Variants in SIPA1L1 observed in about 807,000 individuals in gnomAD.
SIPA1L1 encodes the protein signal induced proliferation associated 1 like 1.
Under a neutral mutation model 162.7 loss-of-function variants are expected in SIPA1L1, and 26 were observed. That is an observed-to-expected ratio of 0.16 (90% CI 0.12 to 0.22). SIPA1L1 has a LOEUF of 0.22. Among genes scored for constraint, SIPA1L1 ranks in the 10% least tolerant of loss-of-function variants. SIPA1L1 has a pLI of 1.00. For missense variants in SIPA1L1, 1,874 were observed against 2,241.0 expected, an observed-to-expected ratio of 0.84 and a Z score of 3.31; for synonymous variants, 829 against 837.4, an observed-to-expected ratio of 0.99 and a Z score of 0.17.
chr14:71,562,499 T>C (rs954264566), intron 4 of SIPA1L1, among the ~76,000 whole-genome samples: 1 of 152,202 alleles, frequency 6.6e-6, no homozygotes, highest in African/African-American at 2.4e-5. Context: ...TGTACATCAA[T>C]AATGTATCCA....
intron 4 of SIPA1L1, among the ~76,000 whole-genome samples, chr14:71,558,835 C>T (rs1162724887): frequency 2.6e-5 from 4 of 152,046 alleles, no homozygotes; most frequent in Non-Finnish European, 5.9e-5. Context: ...AGGTGCACGC[C>T]GCTACACTTG....
chr14:71,556,745 G>T (rs987162815), intron 4 of SIPA1L1, among the ~76,000 whole-genome samples: 6 of 152,210 alleles, frequency 3.9e-5, no homozygotes, highest in Non-Finnish European at 8.8e-5. Flanking sequence ...CTTCAAACCT[G>T]GTCCTTTGGG....
chr14:71,487,224 C>G (rs1485537967), intron 2 of SIPA1L1, among the ~76,000 whole-genome samples: 1 of 152,204 alleles, frequency 6.6e-6, no homozygotes, highest in Non-Finnish European at 1.5e-5. Flanking sequence ...CCTCCCCTCC[C>G]CATCACCTTC....
intron 2 of SIPA1L1, among the ~76,000 whole-genome samples, chr14:71,422,938 C>G (rs1212668759): frequency 2.0e-5 from 3 of 152,170 alleles, no homozygotes; most frequent in African/African-American, 4.8e-5. Flanking sequence ...ATTTTACATT[C>G]CTACCAACAG....
intron 10 of SIPA1L1, among the ~76,000 whole-genome samples, chr14:71,663,353 C>T (rs190227000): frequency 2.0e-5 from 3 of 152,186 alleles, no homozygotes; most frequent in Non-Finnish European, 4.4e-5. Flanking sequence ...GCTAAATTTT[C>T]ATTGGTGATA....
chr14:71,616,647 T>C (rs2038874167), intron 5 of SIPA1L1, among the ~76,000 whole-genome samples: 1 of 152,154 alleles, frequency 6.6e-6, no homozygotes, highest in South Asian at 2.1e-4. Context: ...GGTGAATTTG[T>C]GTGGATGGTG....
chr14:71,533,217 A>G (rs2053599206), intron 4 of SIPA1L1, among the ~76,000 whole-genome samples: 1 of 152,222 alleles, frequency 6.6e-6, no homozygotes, highest in African/African-American at 2.4e-5. Flanking sequence ...AAAAAATCAA[A>G]TCAAAAGTTT....
chr14:71,393,695 C>T (rs565256018), intron 2 of SIPA1L1, among the ~76,000 whole-genome samples: 17 of 152,156 alleles, frequency 1.1e-4, no homozygotes, highest in African/African-American at 3.9e-4. Context: ...GTGGCATGTA[C>T]CTGAAGTCCC....
intron 2 of SIPA1L1, among the ~76,000 whole-genome samples, chr14:71,469,487 G>A (rs1031714350): frequency 6.6e-6 from 1 of 151,918 alleles, no homozygotes; most frequent in Non-Finnish European, 1.5e-5. Flanking sequence ...ATCCCCAAGT[G>A]CAAAAAATAA....
At chr14:71,712,923 C>T (rs143362834) in intron 17 of SIPA1L1, among the ~76,000 whole-genome samples, 220 of 152,262 alleles carry the variant, frequency 1.4e-3, no homozygotes, top group African/African-American at 4.9e-3. Context: ...CCCACTTATG[C>T]GATCACATAT....
intron 4 of SIPA1L1, among the ~76,000 whole-genome samples, chr14:71,537,008 T>C (rs2053961490): frequency 6.6e-6 from 1 of 151,396 alleles, no homozygotes; most frequent in African/African-American, 2.4e-5. Flanking sequence ...TGAACTCTTG[T>C]CTTCTTATGC....
intron 7 of SIPA1L1, among the ~76,000 whole-genome samples, chr14:71,649,503 T>C (rs956386848): frequency 1.3e-5 from 2 of 152,180 alleles, no homozygotes; most frequent in African/African-American, 4.8e-5. Context: ...AAAGTACACA[T>C]TTTTATGTTG....
intron 4 of SIPA1L1, among the ~76,000 whole-genome samples, chr14:71,537,318 C>T (rs936863838): frequency 5.3e-5 from 8 of 152,122 alleles, no homozygotes; most frequent in Non-Finnish European, 1.0e-4. Flanking sequence ...CTCCCACCTC[C>T]ACCTCTCAAG....
chr14:71,374,925 T>C (rs924040008), intron 2 of SIPA1L1, among the ~76,000 whole-genome samples: 53 of 152,318 alleles, frequency 3.5e-4, no homozygotes, highest in African/African-American at 1.1e-3. Flanking sequence ...ATCATTTGAA[T>C]GTTGATGACA....
At chr14:71,498,056 A>G (rs572995444) in intron 2 of SIPA1L1, among the ~76,000 whole-genome samples, 1 of 152,264 alleles carries the variant, frequency 6.6e-6, no homozygotes, top group Admixed American at 6.5e-5. Context: ...GGATCTTCTT[A>G]TGACTTTAAT....
chr14:71,672,644 T>C (rs1397971823), intron 12 of SIPA1L1, 22 bp downstream of exon 12: 1 of 1,607,442 alleles, frequency 6.2e-7, no homozygotes, highest in East Asian at 2.2e-5. Flanking sequence ...GAGACAGCTG[T>C]GGGCCTGAGA....
intron 4 of SIPA1L1, among the ~76,000 whole-genome samples, chr14:71,578,276 C>T (rs2033416944): frequency 6.6e-6 from 1 of 151,906 alleles, no homozygotes; most frequent in Admixed American, 6.6e-5. Context: ...TGTTTGAGTC[C>T]ATGCTGGTCT....
rs367952300 is a variant in SIPA1L1 at position 71,730,125 on chromosome 14, C to T, written c.4685C>T (p.Thr1562Ile). 1.9e-6 allele frequency: 3 copies of T among 1,614,066 alleles called. No individual in the cohort carries two copies. The highest frequency in any genetic ancestry group is 2.5e-6 in the Non-Finnish European group (3 of 1,180,032). Residue 1562 changes from threonine to isoleucine, a missense_variant, in exon 20 of 24, where the codon ACA (threonine) becomes ATA (isoleucine). By Grantham distance (89) the Thr-to-Ile change is moderately conservative. This residue lies in a region of SIPA1L1 where 936 missense variants were observed against 1,051.9 expected (regional missense o/e 0.89). Transcript: ENST00000381232. ...ACCTCACGGCGGGCCTTGCACAGAA[C>T]ACTGTCGGACGAGAGCATTTACAAT... is the stretch of plus-strand genomic sequence containing the variant. ...TPTSRRALHR[T>I]LSDESIYNSQ...
chr14:71,735,483 G>A, intron 22 of SIPA1L1, 92 bp downstream of exon 22: 1 of 860,832 alleles, frequency 1.2e-6, no homozygotes, highest in South Asian at 1.5e-5. Context: ...GCCACACGGA[G>A]TAGCTGAGTG....
Sources: allele counts gnomAD v4.1 joint callset (sites outside exome capture counted in the v4.1 genomes callset), GRCh38; gene constraint gnomAD v4.1.1; regional missense constraint gnomAD v4.1.1; transcripts MANE v1.5; gene names NCBI Gene and HGNC (gene_info 2026-07-23, HGNC 2026-07-21).